Variants in DGKB observed in about 807,000 individuals in gnomAD.
DGKB encodes diacylglycerol kinase beta.
Under a neutral mutation model 114.3 loss-of-function variants are expected in DGKB, and 67 were observed. That is an observed-to-expected ratio of 0.59 (90% CI 0.48 to 0.72). The LOEUF is 0.72. DGKB is among the 30% of genes least tolerant of loss of function. DGKB has a pLI of 0.00. For synonymous variants in DGKB, 398 were observed against 323.1 expected (o/e 1.23, Z -2.49); for missense variants, 907 against 975.2 (o/e 0.93, Z 0.93).
intron 22 of DGKB, among the ~76,000 whole-genome samples, chr7:14,341,227 C>T (rs908272981): frequency 6.6e-6 from 1 of 151,738 alleles, no homozygotes; most frequent in Non-Finnish European, 1.5e-5. Context: ...AAATAAATTG[C>T]TATTTATTAA....
chr7:14,553,424 A>G lies in DGKB; in HGVS notation c.1770+20788T>C, dbSNP rs1231227155. 2.0e-5 allele frequency among the ~76,000 whole-genome samples: 3 copies of G among 152,204 alleles called. No homozygotes were observed. The East Asian group carries it at 5.8e-4, about 29-fold the overall frequency. Reference sequence around the variant, plus strand: ...TCCAGCACATAGTGATTAGTCACATAAATAAACAAAATTGCTATATAAGTA... The same window carrying G: ...TCCAGCACATAGTGATTAGTCACATGAATAAACAAAATTGCTATATAAGTA... On this transcript the variant is annotated intron_variant, in intron 20 of 25. Coordinates refer to ENST00000402815, the MANE Select transcript of DGKB (RefSeq NM_001350709.2).
intron 17 of DGKB, among the ~76,000 whole-genome samples, chr7:14,587,530 A>C (rs2128738296): frequency 6.6e-6 from 1 of 152,292 alleles, no homozygotes; most frequent in South Asian, 2.1e-4. Flanking sequence ...GACTGACTCA[A>C]ATTCTGAGGG....
intron 5 of DGKB, among the ~76,000 whole-genome samples, chr7:14,733,325 A>G (rs1405929838): frequency 6.6e-6 from 1 of 152,232 alleles, no homozygotes. Context: ...CATGTGGAAT[A>G]TGTACACTTG....
chr7:14,262,304 T>G (rs1345040128), intron 23 of DGKB, among the ~76,000 whole-genome samples: 2 of 152,190 alleles, frequency 1.3e-5, no homozygotes, highest in Admixed American at 6.5e-5. Context: ...TGTGATAGCA[T>G]TAAGAGGTGG....
At chr7:14,459,948 A>G (rs1832829141) in intron 21 of DGKB, among the ~76,000 whole-genome samples, 2 of 152,324 alleles carry the variant, frequency 1.3e-5, no homozygotes, top group East Asian at 1.9e-4. Flanking sequence ...AATAATCAAC[A>G]TTCTTAAAGA....
chr7:14,428,803 A>C (rs1217709163), intron 21 of DGKB, among the ~76,000 whole-genome samples: 2 of 152,102 alleles, frequency 1.3e-5, no homozygotes, highest in Admixed American at 6.6e-5. Context: ...GATTCAGCTA[A>C]TGGCAAGATC....
intron 23 of DGKB, among the ~76,000 whole-genome samples, chr7:14,233,226 G>T (rs1185260894): frequency 6.6e-6 from 1 of 151,976 alleles, no homozygotes; most frequent in Non-Finnish European, 1.5e-5. Context: ...ACATAGAAAG[G>T]AAGTGGTGGG....
chr7:14,323,550 G>T (rs1808195721), intron 23 of DGKB, among the ~76,000 whole-genome samples: 1 of 152,164 alleles, frequency 6.6e-6, no homozygotes, highest in Non-Finnish European at 1.5e-5. Flanking sequence ...TTTTAACAAT[G>T]ACCTGTTTTC....
At position 14,652,524 on chromosome 7, in the gene DGKB, T is replaced by C. The variant is rs914864613; in HGVS notation, c.1134+20405A>G. ...TCAAGATGGATTAAAGACTTAAACG[T>C]TAGACCTAAAACCATAAAAACCCTA... On this transcript the variant is annotated intron_variant, in intron 13 of 25. Coordinates refer to ENST00000402815, the MANE Select transcript of DGKB (RefSeq NM_001350709.2). Among the ~76,000 whole-genome samples, 74 of 151,996 alleles carry C rather than the reference T, an allele frequency of 4.9e-4. 2 individuals are homozygous for C. Among genetic ancestry groups the C allele is most frequent in the Non-Finnish European group, 1.0e-4 (7 of 68,002 alleles).
chr7:14,574,491 G>T, intron 19 of DGKB, 119 bp from the exon 20 acceptor site: 1 of 779,934 alleles, frequency 1.3e-6, no homozygotes, highest in Non-Finnish European at 2.0e-6. Context: ...TGATTTTGAA[G>T]CACATTCTGC....
chr7:14,608,434 T>C (rs1804917650), intron 16 of DGKB, among the ~76,000 whole-genome samples: 1 of 151,692 alleles, frequency 6.6e-6, no homozygotes, highest in African/African-American at 2.4e-5. Flanking sequence ...CAAAGGAACA[T>C]AACTCAAAAT....
intron 17 of DGKB, among the ~76,000 whole-genome samples, chr7:14,594,535 A>G (rs1388345845): frequency 6.6e-6 from 1 of 152,114 alleles, no homozygotes; most frequent in Non-Finnish European, 1.5e-5. Context: ...GGAATAATTC[A>G]TTCTTATTAC....
At chr7:14,155,354 G>A (rs767684390) in intron 25 of DGKB, among the ~76,000 whole-genome samples, 5 of 152,048 alleles carry the variant, frequency 3.3e-5, no homozygotes, top group Admixed American at 6.6e-5. Flanking sequence ...ACCTAACTGA[G>A]GTGCTTGTAG....
At chr7:14,468,733 C>T (rs76910953) in intron 21 of DGKB, among the ~76,000 whole-genome samples, 2,391 of 149,608 alleles carry the variant, frequency 0.016, 110 homozygotes, top group African/African-American at 0.058. Flanking sequence ...CTGTTTAATA[C>T]TCTTCCCTAT....
chr7:14,301,819 T>A (rs1803604473), intron 23 of DGKB, among the ~76,000 whole-genome samples: 1 of 152,114 alleles, frequency 6.6e-6, no homozygotes, highest in Non-Finnish European at 1.5e-5. Context: ...GGGTTTTCAC[T>A]CATTTCAGGA....
At chr7:14,941,278 C>G (rs952281978) in intron 1 of DGKB, among the ~76,000 whole-genome samples, 14 of 151,994 alleles carry the variant, frequency 9.2e-5, no homozygotes, top group African/African-American at 3.4e-4. Flanking sequence ...GAAACAGGAT[C>G]TTAATCTGAG....
At chr7:14,466,472 C>A (rs1239963270) in intron 21 of DGKB, among the ~76,000 whole-genome samples, 1 of 152,122 alleles carries the variant, frequency 6.6e-6, no homozygotes, top group Non-Finnish European at 1.5e-5. Context: ...TTTTTAAACA[C>A]AGTGACAGGC....
At chr7:14,662,294 T>A (rs1001046911) in intron 13 of DGKB, among the ~76,000 whole-genome samples, 62 of 151,990 alleles carry the variant, frequency 4.1e-4, no homozygotes, top group Middle Eastern at 3.4e-3. Context: ...GTGAGATAAA[T>A]AATCATCTAA....
intron 6 of DGKB, among the ~76,000 whole-genome samples, chr7:14,707,366 A>G (rs1156648976): frequency 1.3e-5 from 2 of 149,678 alleles, no homozygotes; most frequent in Admixed American, 1.3e-4. Flanking sequence ...AGATGGATTC[A>G]CAGCCGAATT....
Sources: allele counts gnomAD v4.1 joint callset (sites outside exome capture counted in the v4.1 genomes callset), GRCh38; gene constraint gnomAD v4.1.1; transcripts MANE v1.5; gene names NCBI Gene and HGNC (gene_info 2026-07-23, HGNC 2026-07-21).